The following EYS variants were observed in gnomAD, a reference collection of about 807,000 sequenced individuals.
EYS encodes EGF-like photoreceptor maintenance factor, also known as protein eyes shut homolog.
Under a neutral mutation model 282.1 loss-of-function variants are expected in EYS, and 250 were observed. The observed-to-expected ratio is 0.89, with a 90% CI of 0.80 to 0.98. The LOEUF is 0.98. EYS is among the 50% of genes least tolerant of loss of function. The pLI, the probability that EYS is intolerant of heterozygous loss-of-function variation, is 0.00. For missense variants in EYS, 4,016 were observed against 3,709.0 expected (o/e 1.08, Z -2.15); for synonymous variants, 1,355 against 1,282.9 (o/e 1.06, Z -1.20).
intron 35 of EYS, among the ~76,000 whole-genome samples, chr6:63,865,906 G>A (rs1772660090): frequency 6.6e-6 from 1 of 152,168 alleles, no homozygotes; most frequent in Admixed American, 6.5e-5. Flanking sequence ...CTTTGGTGGG[G>A]TTGTAAGGCT....
chr6:65,271,586 T>G (rs1767905992), intron 12 of EYS, among the ~76,000 whole-genome samples: 1 of 152,026 alleles, frequency 6.6e-6, no homozygotes, highest in Admixed American at 6.6e-5. Context: ...TTTTTTTTAT[T>G]ATTTTTTATT....
At chr6:65,029,877 G>A (rs1772541904) in intron 13 of EYS, among the ~76,000 whole-genome samples, 1 of 152,114 alleles carries the variant, frequency 6.6e-6, no homozygotes, top group African/African-American at 2.4e-5. Context: ...GAGTATGAGG[G>A]ACGCATTCCT....
At chr6:64,720,058 T>C (rs1328887315) in intron 22 of EYS, among the ~76,000 whole-genome samples, 1 of 152,122 alleles carries the variant, frequency 6.6e-6, no homozygotes, top group African/African-American at 2.4e-5. Context: ...GTTCTGGAGG[T>C]CTGAAGTTGA....
intron 14 of EYS, among the ~76,000 whole-genome samples, chr6:64,952,904 G>A (rs2150100805): frequency 6.6e-6 from 1 of 151,924 alleles, no homozygotes; most frequent in South Asian, 2.1e-4. Context: ...AATAACATCT[G>A]GAATAGTGTC....
At chr6:65,624,884 T>G (rs1331665539) in intron 2 of EYS, among the ~76,000 whole-genome samples, 1 of 152,184 alleles carries the variant, frequency 6.6e-6, no homozygotes, top group Admixed American at 6.5e-5. Context: ...CTGGCTTCCT[T>G]GCTCCTCAGC....
At chr6:65,631,788 G>T (rs187125561) in intron 2 of EYS, among the ~76,000 whole-genome samples, 8 of 152,198 alleles carry the variant, frequency 5.3e-5, no homozygotes. Context: ...TTACTAGTAG[G>T]TGTTCCAGGA....
chr6:64,575,074 G>A (rs572442638), intron 26 of EYS, among the ~76,000 whole-genome samples: 2 of 152,168 alleles, frequency 1.3e-5, no homozygotes, highest in African/African-American at 4.8e-5. Context: ...ACTACTTAGG[G>A]AAACTTCACC....
chr6:64,236,503 T>C (rs1214438764), intron 30 of EYS, among the ~76,000 whole-genome samples: 1 of 152,132 alleles, frequency 6.6e-6, no homozygotes, highest in Non-Finnish European at 1.5e-5. Context: ...TGCCAAACTA[T>C]TTTCCAAAGA....
intron 29 of EYS, among the ~76,000 whole-genome samples, chr6:64,366,234 A>T (rs1280546489): frequency 6.6e-6 from 1 of 152,002 alleles, no homozygotes. Flanking sequence ...GGACTCCCCA[A>T]ATAGTGATAT....
At position 64,888,412 on chromosome 6, in the gene EYS, A is replaced by C. The variant is rs528024812; in HGVS notation, c.2847-1570T>G. ...ATTATGTAGTATAATGATACAATGT[A>C]TTCATGTATCAAAACAACACAACAA... On this transcript the variant is annotated intron_variant, in intron 18 of 42. Coordinates refer to ENST00000503581, the MANE Select transcript of EYS (RefSeq NM_001142800.2). Among the ~76,000 whole-genome samples, 19 of 152,200 alleles carry C rather than the reference A, an allele frequency of 1.2e-4. 1 individual carries two copies. In the South Asian group the frequency reaches 3.7e-3, roughly 30 times the overall value.
chr6:64,925,014 A>G (rs1768471020), intron 15 of EYS, among the ~76,000 whole-genome samples: 1 of 152,192 alleles, frequency 6.6e-6, no homozygotes, highest in Non-Finnish European at 1.5e-5. Context: ...TTCTACTGGT[A>G]CCATTTACTG....
In EYS at chr6:64,609,823, G is replaced by A. The variant is rs991364381; in HGVS notation, c.3684+7595C>T. Among the ~76,000 whole-genome samples the A allele has an allele frequency of 2.6e-5, 4 of 151,900 alleles. 1 individual carries two copies. In the South Asian group the frequency reaches 6.2e-4, roughly 24 times the overall value. On this transcript the variant is annotated intron_variant, in intron 24 of 42. Coordinates refer to ENST00000503581, the MANE Select transcript of EYS (RefSeq NM_001142800.2). ...AACCATCTGAGCCCAGAAGTTTGACGCTGCAGTGAGCTATCATCATGTCAC... is the reference window on the plus strand; with the variant it reads ...AACCATCTGAGCCCAGAAGTTTGACACTGCAGTGAGCTATCATCATGTCAC...
chr6:64,125,061 G>T (rs541583376), intron 31 of EYS, among the ~76,000 whole-genome samples: 2 of 152,014 alleles, frequency 1.3e-5, no homozygotes, highest in South Asian at 4.2e-4. Context: ...ATATAGTTTG[G>T]AATATATTTC....
intron 35 of EYS, among the ~76,000 whole-genome samples, chr6:63,889,087 G>A (rs1773341939): frequency 6.6e-6 from 1 of 152,068 alleles, no homozygotes; most frequent in Non-Finnish European, 1.5e-5. Context: ...GAAAAGATTA[G>A]AGAAAAAAGA....
intron 30 of EYS, among the ~76,000 whole-genome samples, chr6:64,270,399 T>G (rs1767904075): frequency 6.6e-6 from 1 of 151,960 alleles, no homozygotes; most frequent in Non-Finnish European, 1.5e-5. Flanking sequence ...AATGGGCAAT[T>G]TCTCCTTCTG....
At chr6:63,968,955 G>A (rs1164879903) in intron 35 of EYS, among the ~76,000 whole-genome samples, 1 of 152,210 alleles carries the variant, frequency 6.6e-6, no homozygotes, top group African/African-American at 2.4e-5. Flanking sequence ...TGGTTATATA[G>A]AAGTAATATG....
chr6:65,163,186 T>C (rs1157859049), intron 12 of EYS, among the ~76,000 whole-genome samples: 6 of 151,270 alleles, frequency 4.0e-5, no homozygotes, highest in Non-Finnish European at 3.0e-5. Context: ...GTTTATTTAC[T>C]TTTTAGGTAA....
intron 2 of EYS, among the ~76,000 whole-genome samples, chr6:65,536,890 C>CT (rs964614775): frequency 1.4e-4 from 21 of 152,014 alleles, no homozygotes; most frequent in African/African-American, 4.3e-4. Context: ...CACAATTGGA[C>CT]TTTTTTCATA....
At chr6:64,945,938 T>C (rs1583319011) in intron 14 of EYS, 24 bp from the exon 15 acceptor site, 2 of 1,524,040 alleles carry the variant, frequency 1.3e-6, no homozygotes, top group East Asian at 2.5e-5. Context: ...AAATTATATA[T>C]TTTTAGGCTA....
Sources: gnomAD v4.1 joint callset for allele counts (sites outside exome capture counted in the v4.1 genomes callset) on GRCh38, gnomAD v4.1.1 for gene constraint, MANE v1.5 for transcripts, NCBI Gene and HGNC (gene_info 2026-07-23, HGNC 2026-07-21) for gene names.